MPHOSPH10: variants seen among roughly 807,000 people sequenced by gnomAD.
MPHOSPH10 encodes the protein U3 small nucleolar ribonucleoprotein MPP10.
In MPHOSPH10, 33 loss-of-function variants were observed where a neutral mutation model predicts 77.3. The ratio of observed to expected loss-of-function variants is 0.43; its 90% CI spans 0.32 to 0.57. The LOEUF (loss-of-function observed/expected upper bound fraction) is 0.57. Ranked by LOEUF, MPHOSPH10 falls within the 20% of genes least tolerant of loss-of-function variation. The pLI is 0.07. For synonymous variants in MPHOSPH10, 245 were observed against 268.0 expected (o/e 0.91, Z 0.84); for missense variants, 708 against 780.1 (o/e 0.91, Z 1.10).
At chr2:71,138,993 C>A in intron 5 of MPHOSPH10, 1 of 512,634 alleles carries the variant, frequency 2.0e-6, no homozygotes, top group Admixed American at 3.2e-5. Context: ...AAGGTTGTGC[C>A]AGTGTGCTCC....
In MPHOSPH10 at chr2:71,134,003, G is replaced by A. The variant is rs1000689696; in HGVS notation, c.824G>A (p.Ser275Asn). The A allele has an allele frequency of 3.1e-6, 5 of 1,604,150 alleles. No homozygotes were observed. Among genetic ancestry groups the A allele is most frequent in the Non-Finnish European group, 8.5e-7 (1 of 1,174,810 alleles). The part of the protein sequence containing the change: ...KYKDFFDPVE[S>N]DEDITNVHDD... ...AAAGATTTTTTTGATCCAGTTGAAA[G>A]TGATGAAGACATAACAAATGTTCAT... Residue 275 changes from serine to asparagine, a missense_variant, in exon 3 of 11, where the codon AGT becomes AAT. By Grantham distance (46) the Ser-to-Asn change is conservative (BLOSUM62 1). Around this residue, in one of 3 missense-constraint regions of MPHOSPH10, gnomAD observed 433 missense variants for 432.6 expected, o/e 1.00. Coordinates refer to ENST00000244230, the MANE Select transcript of MPHOSPH10 (RefSeq NM_005791.3).
intron 1 of MPHOSPH10, 153 bp downstream of exon 1, chr2:71,130,907 C>G: frequency 2.9e-6 from 2 of 695,718 alleles, no homozygotes; most frequent in Admixed American, 3.1e-5. Flanking sequence ...CCTAGGCTAT[C>G]AAAATTTTAA....
At chr2:71,145,859 C>T (rs1673695945) in intron 8 of MPHOSPH10, among the ~76,000 whole-genome samples, 1 of 152,188 alleles carries the variant, frequency 6.6e-6, no homozygotes, top group African/African-American at 2.4e-5. Flanking sequence ...GCTGCACTTC[C>T]TTTTTGGCAT....
At chr2:71,130,921 CTG>C in intron 1 of MPHOSPH10, 167 bp downstream of exon 1, 1 of 642,292 alleles carries the variant, frequency 1.6e-6, no homozygotes, top group South Asian at 2.0e-5. Context: ...ATTTTAAAAA[CTG>C]TTAAAATTTG....
At chr2:71,137,308 T>G (rs1173114099) in intron 4 of MPHOSPH10, among the ~76,000 whole-genome samples, 1 of 152,142 alleles carries the variant, frequency 6.6e-6, no homozygotes, top group South Asian at 2.1e-4. Flanking sequence ...TTACCACTGT[T>G]GATTAACATT....
intron 2 of MPHOSPH10, 122 bp downstream of exon 2, chr2:71,133,698 T>C (rs1673432403): frequency 1.8e-6 from 2 of 1,136,586 alleles, no homozygotes; most frequent in Admixed American, 2.9e-5. Context: ...CTCTATCTTA[T>C]CAGTTATAAA....
chr2:71,133,719 C>T, intron 2 of MPHOSPH10, 143 bp downstream of exon 2: 1 of 1,024,592 alleles, frequency 9.8e-7, no homozygotes, highest in Non-Finnish European at 1.4e-6. Context: ...TGAATCTGTA[C>T]TTCCATTCAA....
Position 71,134,120 on chromosome 2 carries a change from C to T in MPHOSPH10, c.926+15C>T. On this transcript the variant is annotated intron_variant, in intron 3 of 10. Transcript: ENST00000244230. ...ATTTCGGAAACGTGAGTATTTTGAA[C>T]CATCCTTTACATTGTAAGCTGGAAT... 1 of 1,594,858 alleles carries T rather than the reference C, an allele frequency of 6.3e-7. No homozygotes were observed. Among genetic ancestry groups the T allele is most frequent in the Non-Finnish European group, 8.5e-7 (1 of 1,171,802 alleles).
chr2:71,146,430 A>G (rs185435015), intron 8 of MPHOSPH10, among the ~76,000 whole-genome samples: 1 of 147,134 alleles, frequency 6.8e-6, no homozygotes, highest in Admixed American at 7.1e-5. Flanking sequence ...CTGCCTCCCA[A>G]GTTTAAGCGA....
At position 71,138,635 on chromosome 2, in the gene MPHOSPH10, T is replaced by C. The variant is rs369680502; in HGVS notation, c.1240+4T>C. The C allele has an allele frequency of 2.4e-5, 39 of 1,614,062 alleles. 1 individual carries two copies. Among genetic ancestry groups the C allele is most frequent in the Middle Eastern group, 3.3e-4 (2 of 6,084 alleles). Reference sequence around the variant, plus strand: ...TTTGACCATGCTGTCCGGATGGGTATGGTGCCCTCTTCTGTAGTTTTCATG... The same window carrying C: ...TTTGACCATGCTGTCCGGATGGGTACGGTGCCCTCTTCTGTAGTTTTCATG... On this transcript the variant is annotated splice_donor_region_variant and intron_variant, in intron 5 of 10. Coordinates refer to ENST00000244230, the MANE Select transcript of MPHOSPH10 (RefSeq NM_005791.3).
intron 1 of MPHOSPH10, 35 bp downstream of exon 1, chr2:71,130,789 G>C: frequency 2.5e-6 from 4 of 1,570,484 alleles, no homozygotes; most frequent in Non-Finnish European, 3.5e-6. Context: ...GGGTGCGACC[G>C]GGGTCTCACG....
At chr2:71,139,016 C>A in intron 5 of MPHOSPH10, 1 of 468,976 alleles carries the variant, frequency 2.1e-6, no homozygotes, top group Non-Finnish European at 3.8e-6. Flanking sequence ...CGTGGGCAGC[C>A]TGGGCAACAG....
intron 7 of MPHOSPH10, among the ~76,000 whole-genome samples, chr2:71,141,937 C>T (rs1673621802): frequency 6.6e-6 from 1 of 152,028 alleles, no homozygotes; most frequent in African/African-American, 2.4e-5. Flanking sequence ...GAGGCCGAGG[C>T]AGGGGAATTG....
At chr2:71,148,263 T>G (rs755069690) in intron 9 of MPHOSPH10, 157 bp downstream of exon 9, 2 of 599,928 alleles carry the variant, frequency 3.3e-6, no homozygotes, top group Non-Finnish European at 5.9e-6. Flanking sequence ...TGTTATAATA[T>G]TCAAATACCA....
intron 7 of MPHOSPH10, among the ~76,000 whole-genome samples, chr2:71,143,364 C>G (rs1318129045): frequency 6.6e-6 from 1 of 152,020 alleles, no homozygotes; most frequent in Non-Finnish European, 1.5e-5. Context: ...ATCTCCTGAC[C>G]TCGTGATCCT....
chr2:71,136,663 AC>A (rs1673497053), intron 4 of MPHOSPH10, among the ~76,000 whole-genome samples: 1 of 152,082 alleles, frequency 6.6e-6, no homozygotes. Flanking sequence ...GAAAAAAAGC[AC>A]CATTATAAAA....
chr2:71,136,913 AACACACAC>A (rs56768441), intron 4 of MPHOSPH10, among the ~76,000 whole-genome samples: 30,481 of 118,922 alleles, frequency 0.26, 4,643 homozygotes, highest in Non-Finnish European at 0.33. Context: ...GTAGCATTAA[AACACACAC>A]ACACACACAC....
chr2:71,143,184 C>T (rs1673642697), intron 7 of MPHOSPH10, among the ~76,000 whole-genome samples: 1 of 150,638 alleles, frequency 6.6e-6, no homozygotes, highest in Non-Finnish European at 1.5e-5. Flanking sequence ...GCTCGGTTGC[C>T]AGGCTGGAGT....
intron 2 of MPHOSPH10, 98 bp downstream of exon 2, chr2:71,133,674 TAAG>T: frequency 1.6e-6 from 2 of 1,275,052 alleles, no homozygotes; most frequent in Non-Finnish European, 2.2e-6. Flanking sequence ...GATTTAGTGA[TAAG>T]AAATATTGTG....
Sources: gnomAD v4.1 joint callset for allele counts (sites outside exome capture counted in the v4.1 genomes callset) on GRCh38, gnomAD v4.1.1 for gene constraint, gnomAD v4.1.1 regional missense constraint, MANE v1.5 for transcripts, NCBI Gene and HGNC (gene_info 2026-07-23, HGNC 2026-07-21) for gene names.